The following GDAP1 variants were observed in gnomAD, a reference collection of about 807,000 sequenced individuals.
The protein encoded by GDAP1 is ganglioside-induced differentiation-associated protein 1.
Under a neutral mutation model 40.1 loss-of-function variants are expected in GDAP1, and 34 were observed. The ratio of observed to expected loss-of-function variants is 0.85; its 90% CI spans 0.64 to 1.13. GDAP1 has a LOEUF of 1.13. Ranked by LOEUF, GDAP1 falls within the 50% of genes most tolerant of loss-of-function variation. GDAP1 has a pLI of 0.00. For missense variants in GDAP1, 374 were observed against 433.7 expected (o/e 0.86, Z 1.22); for synonymous variants, 170 against 157.4 (o/e 1.08, Z -0.60).
At chr8:74,422,088 A>C (rs1224500957) in intron 2 of GDAP1, among the ~76,000 whole-genome samples, 2 of 152,204 alleles carry the variant, frequency 1.3e-5, no homozygotes, top group East Asian at 3.9e-4. Context: ...CAATGGTAGC[A>C]CATGATTACC....
At position 74,364,105 on chromosome 8, in the gene GDAP1, A is replaced by G. The variant is rs551652502; in HGVS notation, c.815A>G (p.Lys272Arg). 1.2e-6 allele frequency: 2 copies of G among 1,614,236 alleles called. No homozygotes were observed. The highest frequency in any genetic ancestry group is 2.7e-5 in the African/African-American group (2 of 75,054). ...GFARRNWGNG[K>R]RPNLETYYER... Reference sequence around the variant, plus strand: ...GCAAGGAGAAACTGGGGAAACGGAAAGCGACCAAACTTGGAAACCTATTAC... The same window carrying G: ...GCAAGGAGAAACTGGGGAAACGGAAGGCGACCAAACTTGGAAACCTATTAC... The change falls in exon 6 of 6, where the codon AAG (lysine) becomes AGG (arginine). Residue 272 changes from lysine to arginine, a missense_variant. Coordinates refer to ENST00000220822, the MANE Select transcript of GDAP1 (RefSeq NM_018972.4).
chr8:74,476,465 A>T (rs1262523972), intron 2 of GDAP1, among the ~76,000 whole-genome samples: 1 of 152,206 alleles, frequency 6.6e-6, no homozygotes, highest in Admixed American at 6.5e-5. Flanking sequence ...GCGCTCTTGT[A>T]AGGCAGGTCT....
intron 2 of GDAP1, among the ~76,000 whole-genome samples, chr8:74,437,765 CATT>C (rs1322814199): frequency 6.6e-6 from 1 of 151,086 alleles, no homozygotes; most frequent in Admixed American, 6.6e-5. Context: ...TATAAGTCAA[CATT>C]ATATTTTAGA....
intron 2 of GDAP1, among the ~76,000 whole-genome samples, chr8:74,413,016 G>A (rs1304477238): frequency 1.7e-5 from 2 of 119,772 alleles, no homozygotes; most frequent in African/African-American, 7.1e-5. Flanking sequence ...GCAGTGAGCT[G>A]AGATCGCTCC....
intron 2 of GDAP1, among the ~76,000 whole-genome samples, chr8:74,474,114 A>G (rs1448118981): frequency 1.3e-5 from 2 of 152,120 alleles, no homozygotes; most frequent in African/African-American, 4.8e-5. Flanking sequence ...CTTAGCTAGG[A>G]ATGCTAGTGA....
chr8:74,365,430 G>A lies in GDAP1; in HGVS notation c.*1063G>A. 2.2e-6 allele frequency: 1 copy of A among 453,968 alleles called. No homozygotes were observed. Among genetic ancestry groups the A allele is most frequent in the Non-Finnish European group, 4.4e-6 (1 of 226,766 alleles). The allele number at this position is 453,968 out of a possible 1,614,324, so 28.1% of individuals were successfully genotyped here. A position where few individuals can be genotyped will look rare whatever the true frequency, so the allele number is the denominator to read the frequency against. On this transcript the variant is annotated 3_prime_UTR_variant, in exon 6 of 6. Coordinates refer to ENST00000220822, the MANE Select transcript of GDAP1 (RefSeq NM_018972.4). ...ATTTGGGGGGGATACCTCAGTTCAT[G>A]TGGAAGGGACAGTCTCGGTGTGTCC... is the stretch of plus-strand genomic sequence containing the variant.
intron 2 of GDAP1, among the ~76,000 whole-genome samples, chr8:74,404,687 A>T (rs1406743906): frequency 6.7e-6 from 1 of 149,570 alleles, no homozygotes; most frequent in Non-Finnish European, 1.5e-5. Context: ...TTGTCAGCTG[A>T]TCTTTAGGGA....
intron 2 of GDAP1, among the ~76,000 whole-genome samples, chr8:74,372,761 T>C (rs896785215): frequency 3.9e-5 from 6 of 152,354 alleles, no homozygotes; most frequent in African/African-American, 1.4e-4. Flanking sequence ...GCAGAAGCTC[T>C]TTAGCTTAAT....
chr8:74,472,811 G>T (rs535591380), intron 2 of GDAP1, among the ~76,000 whole-genome samples: 4 of 151,528 alleles, frequency 2.6e-5, no homozygotes, highest in African/African-American at 9.7e-5. Context: ...GGGCAGTGTT[G>T]TGATCTCTTG....
chr8:74,471,840 T>G (rs988646611), intron 2 of GDAP1, among the ~76,000 whole-genome samples: 3 of 152,228 alleles, frequency 2.0e-5, no homozygotes, highest in African/African-American at 7.2e-5. Flanking sequence ...GTTGTTCATA[T>G]CAATTGTTTG....
chr8:74,424,114 T>A (rs1805918044), intron 2 of GDAP1, among the ~76,000 whole-genome samples: 2 of 152,148 alleles, frequency 1.3e-5, no homozygotes, highest in South Asian at 4.1e-4. Flanking sequence ...TATAGTGTTA[T>A]ATTAGCATCT....
At chr8:74,396,191 T>G (rs1488799422) in intron 2 of GDAP1, among the ~76,000 whole-genome samples, 2 of 152,106 alleles carry the variant, frequency 1.3e-5, no homozygotes, top group East Asian at 3.9e-4. Flanking sequence ...ATACAGTTGG[T>G]TTTGAAATGT....
intron 2 of GDAP1, among the ~76,000 whole-genome samples, chr8:74,468,908 T>C (rs547048940): frequency 6.6e-6 from 1 of 152,312 alleles, no homozygotes; most frequent in South Asian, 2.1e-4. Context: ...CAGTTATGCA[T>C]AATGCTGACT....
At chr8:74,427,508 C>T (rs1244667684) in intron 2 of GDAP1, among the ~76,000 whole-genome samples, 1 of 152,150 alleles carries the variant, frequency 6.6e-6, no homozygotes, top group Non-Finnish European at 1.5e-5. Context: ...CTTGGGCAAT[C>T]ATTTCTTTTG....
chr8:74,396,304 G>C (rs1385836887), intron 2 of GDAP1, among the ~76,000 whole-genome samples: 1 of 151,356 alleles, frequency 6.6e-6, no homozygotes, highest in African/African-American at 2.4e-5. Context: ...AAAATAAAAA[G>C]CTTTTATTTT....
chr8:74,350,546 T>G lies in GDAP1; in HGVS notation c.85T>G (p.Tyr29Asp), dbSNP rs1283049548. The change falls in exon 1 of 6, where the codon TAC becomes GAC. Residue 29 changes from tyrosine to aspartate, a missense_variant. Physicochemically the swap from Tyr to Asp is radical, Grantham distance 160. Transcript: ENST00000220822. ...KADAEVKLIL[Y>D]HWTHSFSSQK... ...CGACGCGGAGGTTAAGCTCATTCTG[T>G]ACCATTGGACGCATTCCTTCAGCTC... The G allele has an allele frequency of 1.9e-6, 3 of 1,611,258 alleles. No individual in the cohort carries two copies. Among genetic ancestry groups the G allele is most frequent in the Non-Finnish European group, 2.5e-6 (3 of 1,177,406 alleles).
chr8:74,487,331 A>T (rs979261383), intron 2 of GDAP1, among the ~76,000 whole-genome samples: 7 of 152,146 alleles, frequency 4.6e-5, no homozygotes, highest in African/African-American at 1.7e-4. Context: ...AAGATATATT[A>T]TTATTTTTCT....
chr8:74,356,668 GTGTGTGTGTGTGTGTGTGTGTGTT>G (rs1430232465), intron 2 of GDAP1, among the ~76,000 whole-genome samples: 4 of 137,806 alleles, frequency 2.9e-5, no homozygotes, highest in African/African-American at 1.1e-4. Context: ...TAGTGTGTGT[GTGTGTGTGTGTGTGTGTGTGTGTT>G]TGTGTGTGTG....
At chr8:74,458,916 T>C (rs1187424144) in intron 2 of GDAP1, among the ~76,000 whole-genome samples, 1 of 152,082 alleles carries the variant, frequency 6.6e-6, no homozygotes, top group Non-Finnish European at 1.5e-5. Context: ...AGCAGCACGC[T>C]CTTCACTGAG....
Sources: gnomAD v4.1 joint callset for allele counts (sites outside exome capture counted in the v4.1 genomes callset) on GRCh38, gnomAD v4.1.1 for gene constraint, MANE v1.5 for transcripts, NCBI Gene and HGNC (gene_info 2026-07-23, HGNC 2026-07-21) for gene names.